Variants in STAT5B observed in about 807,000 individuals in gnomAD.
The protein encoded by STAT5B is signal transducer and activator of transcription 5B, also known as transcription factor STAT5B.
A neutral mutation model predicts 107.8 loss-of-function variants in STAT5B; 21 were observed. That is an observed-to-expected ratio of 0.19 (90% CI 0.14 to 0.28). STAT5B has a LOEUF of 0.28. STAT5B is among the 10% of genes least tolerant of loss of function. STAT5B has a pLI of 1.00. For missense variants in STAT5B, 565 were observed against 1,008.2 expected (o/e 0.56, Z 5.95); for synonymous variants, 325 against 401.7 (o/e 0.81, Z 2.28).
the STAT5B span, among the ~76,000 whole-genome samples, chr17:42,286,703 A>G: frequency 9.2e-5 from 14 of 152,214 alleles, no homozygotes; most frequent in South Asian, 2.9e-3. Flanking sequence ...GGGTGAGAGG[A>G]CTTGAAAACC....
intron 16 of STAT5B, among the ~76,000 whole-genome samples, chr17:42,206,971 G>A (rs866241567): frequency 6.6e-6 from 1 of 151,618 alleles, no homozygotes; most frequent in Admixed American, 6.6e-5. Flanking sequence ...CCACCTCCTG[G>A]GTTCAAGTGA....
chr17:42,258,755 A>G (rs1183033642), intron 1 of STAT5B, among the ~76,000 whole-genome samples: 1 of 152,248 alleles, frequency 6.6e-6, no homozygotes, highest in Non-Finnish European at 1.5e-5. Context: ...AATCTCTGCA[A>G]GTCTCCCTTC....
chr17:42,262,821 TATGTGTATATATAC>T, intron 1 of STAT5B, among the ~76,000 whole-genome samples: 1 of 130,512 alleles, frequency 7.7e-6, no homozygotes, highest in Non-Finnish European at 1.6e-5. Flanking sequence ...CACACATATA[TATGTGTATATATAC>T]ACACATATAT....
At position 42,219,862 on chromosome 17, in the gene STAT5B, A is replaced by T. The variant is rs1194587941; in HGVS notation, c.551-20T>A. 1 of 1,613,996 alleles carries T rather than the reference A, an allele frequency of 6.2e-7. No individual in the cohort carries two copies. Among genetic ancestry groups the T allele is most frequent in the Admixed American group, 1.7e-5 (1 of 60,000 alleles). On this transcript the variant is annotated intron_variant, in intron 5 of 18. Transcript: ENST00000293328. ...ACTGAGCTAGAGGAGGGGAGAGGAA[A>T]CCATGACCATCACCTCCCAGTGTCC...
At chr17:42,255,883 T>A (rs1045048382) in intron 1 of STAT5B, among the ~76,000 whole-genome samples, 1 of 151,774 alleles carries the variant, frequency 6.6e-6, no homozygotes, top group Non-Finnish European at 1.5e-5. Flanking sequence ...AGGTCAGGAG[T>A]TCCAGACCAC....
At chr17:42,205,730 C>A (rs1567654188) in intron 16 of STAT5B, among the ~76,000 whole-genome samples, 2 of 152,064 alleles carry the variant, frequency 1.3e-5, no homozygotes, top group Non-Finnish European at 2.9e-5. Context: ...GGAAACACAG[C>A]AAGACCCCAT....
chr17:42,201,753 C>G lies in STAT5B; in HGVS notation c.2349G>C (p.Pro783=). 1 of 1,608,984 alleles carries G rather than the reference C, an allele frequency of 6.2e-7. No homozygotes were observed. Among genetic ancestry groups the G allele is most frequent in the Non-Finnish European group, 8.5e-7 (1 of 1,175,352 alleles). Residue 783 remains proline (P), a synonymous_variant, in exon 19 of 19, where the codon CCG becomes CCC. Coordinates refer to ENST00000293328, the MANE Select transcript of STAT5B (RefSeq NM_012448.4). ...LGRPMDSQWI[P]HAQS ...GGTCGCGGGGTCACGATTGTGCGTGCGGGATCCACTGACTGTCCATTGGCC... is the reference window on the plus strand; with the variant it reads ...GGTCGCGGGGTCACGATTGTGCGTGGGGGATCCACTGACTGTCCATTGGCC...
At chr17:42,217,634 T>C (rs1005038070) in intron 9 of STAT5B, 170 bp from the exon 10 acceptor site, 5 of 697,908 alleles carry the variant, frequency 7.2e-6, no homozygotes, top group Non-Finnish European at 1.2e-5. Context: ...CGGACGTATC[T>C]CTACAAAATG....
chr17:42,209,656 C>T (rs1214705778), intron 15 of STAT5B, among the ~76,000 whole-genome samples: 1 of 152,092 alleles, frequency 6.6e-6, no homozygotes, highest in Non-Finnish European at 1.5e-5. Flanking sequence ...TGCAGTGAGC[C>T]ATGTTTGTGC....
At chr17:42,243,347 ACT>A (rs2144332965) in intron 1 of STAT5B, among the ~76,000 whole-genome samples, 1 of 151,964 alleles carries the variant, frequency 6.6e-6, no homozygotes, top group East Asian at 1.9e-4. Flanking sequence ...ACTGAGTGAG[ACT>A]CTGTCTCAAA....
rs554049644 is a variant in STAT5B at position 42,216,173 on chromosome 17, T to C, written c.1381-67A>G. ...AGTTCTTCTCCTTCTCTCTTTTTTTTTTTTCTTATTATAACAACACTTTTA... is the reference window on the plus strand; with the variant it reads ...AGTTCTTCTCCTTCTCTCTTTTTTTCTTTTCTTATTATAACAACACTTTTA... On this transcript the variant is annotated intron_variant, in intron 11 of 18. Transcript: ENST00000293328. The C allele has an allele frequency of 7.8e-6, 11 of 1,406,984 alleles. No homozygotes were observed. In the South Asian group the frequency reaches 1.3e-4, roughly 17 times the overall value. The allele number at this position is 1,406,984 out of a possible 1,614,324, so 87.2% of individuals were successfully genotyped here.
chr17:42,226,748 C>T (rs950718693), intron 3 of STAT5B, among the ~76,000 whole-genome samples: 14 of 136,574 alleles, frequency 1.0e-4, no homozygotes, highest in Non-Finnish European at 2.0e-4. Context: ...GTGGAGGTTG[C>T]GGTGAGCCGA....
intron 1 of STAT5B, among the ~76,000 whole-genome samples, chr17:42,233,553 C>A (rs1007901203): frequency 6.6e-6 from 1 of 151,172 alleles, no homozygotes; most frequent in Non-Finnish European, 1.5e-5. Flanking sequence ...TGCCGTGACG[C>A]GATCTCAGCT....
chr17:42,285,246 C>T, the STAT5B span, among the ~76,000 whole-genome samples: 4 of 152,132 alleles, frequency 2.6e-5, no homozygotes, highest in South Asian at 2.1e-4. Context: ...CGTGACACCA[C>T]GCCCAGCTAA....
intron 5 of STAT5B, among the ~76,000 whole-genome samples, chr17:42,221,718 T>C (rs1215426212): frequency 6.6e-6 from 1 of 152,244 alleles, no homozygotes; most frequent in Non-Finnish European, 1.5e-5. Context: ...AATCATCCTG[T>C]CAACCTTTAC....
chr17:42,257,623 A>C (rs2080557649), intron 1 of STAT5B, among the ~76,000 whole-genome samples: 2 of 152,228 alleles, frequency 1.3e-5, no homozygotes, highest in Non-Finnish European at 2.9e-5. Flanking sequence ...CAATCAAATC[A>C]AATCCTTTGT....
In STAT5B at chr17:42,202,094, T is replaced by A; in HGVS notation, c.2238-230A>T. ...CCAGACACATCACAACTCCACTCAG[T>A]CCTTAGAGCAAGAAAAATCTCCATA... On this transcript the variant is annotated intron_variant, in intron 18 of 18. Coordinates refer to ENST00000293328, the MANE Select transcript of STAT5B (RefSeq NM_012448.4). 4.7e-6 allele frequency: 3 copies of A among 638,914 alleles called. No homozygotes were observed. In the South Asian group the frequency reaches 5.8e-5, roughly 12 times the overall value. 39.6% of individuals were successfully genotyped at this position (638,914 alleles called of 1,614,324 possible). A position where few individuals can be genotyped will look rare whatever the true frequency, so the allele number is the denominator to read the frequency against.
At chr17:42,224,919 C>A in intron 3 of STAT5B, 51 bp from the exon 4 acceptor site, 1 of 1,599,856 alleles carries the variant, frequency 6.3e-7, no homozygotes, top group Non-Finnish European at 8.6e-7. Flanking sequence ...ACACTATGGG[C>A]CCTAACCATG....
chr17:42,235,134 C>T (rs2080346871), intron 1 of STAT5B: 1 of 152,172 alleles, frequency 6.6e-6, no homozygotes, highest in Admixed American at 6.5e-5. Context: ...AGACTCCTTC[C>T]CAGCCCACTC....
Sources: allele counts gnomAD v4.1 joint callset (sites outside exome capture counted in the v4.1 genomes callset), GRCh38; gene constraint gnomAD v4.1.1; transcripts MANE v1.5; gene names NCBI Gene and HGNC (gene_info 2026-07-23, HGNC 2026-07-21).